TTC27: variants seen among roughly 807,000 people sequenced by gnomAD.
TTC27 encodes the protein tetratricopeptide repeat protein 27.
In TTC27, 79 loss-of-function variants were observed where a neutral mutation model predicts 115.9. The observed-to-expected ratio is 0.68, with a 90% CI of 0.57 to 0.82. The LOEUF (loss-of-function observed/expected upper bound fraction) is 0.82, where lower values mean the gene tolerates loss of function less well. TTC27 is among the 40% of genes least tolerant of loss of function. The pLI, the probability that TTC27 is intolerant of heterozygous loss-of-function variation, is 0.00. For synonymous variants in TTC27, 401 were observed against 356.0 expected (o/e 1.13, Z -1.42); for missense variants, 1,054 against 993.1 (o/e 1.06, Z -0.82).
At position 32,752,563 on chromosome 2, in the gene TTC27, G is replaced by C. The variant is rs541487766; in HGVS notation, c.1453-5729G>C. On this transcript the variant is annotated intron_variant, in intron 12 of 19. Transcript: ENST00000317907. The stretch of plus-strand genomic sequence containing the variant: ...TAAATTATGATCCTTTTTCTCTCTG[G>C]TCTAGCATGGTTAGAATCTCTTTTA... 3.7e-4 allele frequency among the ~76,000 whole-genome samples: 56 copies of C among 152,176 alleles called. No homozygotes were observed. The East Asian group carries it at 6.8e-3, about 18-fold the overall frequency.
chr2:32,820,681 A>G (rs1010979296), intron 19 of TTC27, 135 bp from the exon 20 acceptor site: 2 of 787,094 alleles, frequency 2.5e-6, no homozygotes, highest in Non-Finnish European at 3.4e-6. Flanking sequence ...GTGAACAGAA[A>G]AAAATGCTAC....
At chr2:32,648,206 CA>C (rs1172036376) in intron 4 of TTC27, among the ~76,000 whole-genome samples, 1 of 152,008 alleles carries the variant, frequency 6.6e-6, no homozygotes, top group Non-Finnish European at 1.5e-5. Flanking sequence ...TGGCTCACTG[CA>C]ACCTCCGCCT....
At chr2:32,798,101 T>A (rs542536636) in intron 16 of TTC27, among the ~76,000 whole-genome samples, 3 of 81,700 alleles carry the variant, frequency 3.7e-5, no homozygotes, top group African/African-American at 1.5e-4. Context: ...AGAAAAAAAA[T>A]TAAAAAAAAA....
chr2:32,647,130 A>G (rs754568345), intron 4 of TTC27, among the ~76,000 whole-genome samples: 8 of 152,080 alleles, frequency 5.3e-5, no homozygotes, highest in Non-Finnish European at 1.0e-4. Context: ...CAATTTTTGT[A>G]GAAATGGGGT....
chr2:32,810,936 A>G (rs1671295666), intron 16 of TTC27, 88 bp from the exon 17 acceptor site: 1 of 1,414,616 alleles, frequency 7.1e-7, no homozygotes, highest in East Asian at 2.3e-5. Flanking sequence ...TTTCATTGTC[A>G]TTGTCTTTGA....
At chr2:32,807,883 T>TGG (rs1200155914) in intron 16 of TTC27, among the ~76,000 whole-genome samples, 1 of 150,978 alleles carries the variant, frequency 6.6e-6, no homozygotes, top group Non-Finnish European at 1.5e-5. Context: ...CTTACCTTTC[T>TGG]GGCCACTCCT....
intron 10 of TTC27, among the ~76,000 whole-genome samples, chr2:32,730,621 AT>A (rs10712292): frequency 0.46 from 63,606 of 137,488 alleles, 14,271 homozygotes; most frequent in Non-Finnish European, 0.5. Flanking sequence ...AGACTTTCTT[AT>A]TTTTTTTTTT....
chr2:32,654,538 A>G lies in TTC27; in HGVS notation c.640+4305A>G, dbSNP rs1194652092. 2.0e-5 allele frequency among the ~76,000 whole-genome samples: 3 copies of G among 152,086 alleles called. No homozygotes were observed. In the East Asian group the frequency reaches 5.8e-4, roughly 29 times the overall value. On this transcript the variant is annotated intron_variant, in intron 5 of 19. Transcript: ENST00000317907. ...ACAGGGTATAGCATTTCATGTTGTTATTATTTTTTTGAGGCAGGGTCTTGC... is the reference window on the plus strand; with the variant it reads ...ACAGGGTATAGCATTTCATGTTGTTGTTATTTTTTTGAGGCAGGGTCTTGC...
intron 10 of TTC27, among the ~76,000 whole-genome samples, chr2:32,708,304 G>GTTTTGTTTTTTTTTTTTTTTTTTTTTT (rs1667450449): frequency 1.6e-5 from 1 of 61,348 alleles, no homozygotes; most frequent in Non-Finnish European, 3.1e-5. Flanking sequence ...TCTCTACCTT[G>GTTTTGTTTTTTTTTTTTTTTTTTTTTT]TTTTTTTTTT....
rs551014646 is a variant in TTC27, at chr2:32,665,013, T to A, written c.805+546T>A. Among the ~76,000 whole-genome samples, 414 of 151,766 alleles carry A rather than the reference T, an allele frequency of 2.7e-3. 3 individuals are homozygous for A. The highest frequency in any genetic ancestry group is 9.5e-3 in the African/African-American group (391 of 41,312). On this transcript the variant is annotated intron_variant, in intron 6 of 19. Transcript: ENST00000317907. ...ACGCCTGGCTAATTTTTTTTATTTT[T>A]TTTTTGTATTTTTAGTAGGGATGTG...
In TTC27 at chr2:32,643,809, C is replaced by T. The variant is rs140218420; in HGVS notation, c.537+3399C>T. On this transcript the variant is annotated intron_variant, in intron 4 of 19. Coordinates refer to ENST00000317907, the MANE Select transcript of TTC27 (RefSeq NM_017735.5). ...CAGCACTTTGGGAGGCCAAGGCTGG[C>T]GGATCACCTGAGGTCAGGAGTTCGA... Among the ~76,000 whole-genome samples, 1,457 of 151,812 alleles carry T rather than the reference C, an allele frequency of 9.6e-3. 12 individuals are homozygous for T. Among genetic ancestry groups the T allele is most frequent in the Middle Eastern group, 0.027 (8 of 294 alleles).
At chr2:32,736,522 G>T (rs764681359) in intron 11 of TTC27, among the ~76,000 whole-genome samples, 172 bp from the exon 12 acceptor site, 3 of 152,116 alleles carry the variant, frequency 2.0e-5, no homozygotes, top group Non-Finnish European at 4.4e-5. Context: ...GTTTTCTAAA[G>T]TAAAGGTATG....
chr2:32,678,562 G>A (rs998250959), intron 8 of TTC27, among the ~76,000 whole-genome samples: 3 of 152,008 alleles, frequency 2.0e-5, no homozygotes, highest in Admixed American at 6.5e-5. Flanking sequence ...CGAGTAGCTG[G>A]GACTACAGGT....
At chr2:32,726,462 T>C (rs36059067) in intron 10 of TTC27, among the ~76,000 whole-genome samples, 4 of 152,196 alleles carry the variant, frequency 2.6e-5, no homozygotes, top group Non-Finnish European at 5.9e-5. Context: ...GCCTCTAGTC[T>C]CTGTGCTAAA....
intron 8 of TTC27, among the ~76,000 whole-genome samples, chr2:32,675,651 G>T (rs546577956): frequency 8.8e-4 from 134 of 152,194 alleles, no homozygotes; most frequent in Admixed American, 1.1e-3. Flanking sequence ...TTACTGTGGG[G>T]TTTTTAAATA....
chr2:32,706,169 G>GC, intron 10 of TTC27, among the ~76,000 whole-genome samples: 1 of 129,330 alleles, frequency 7.7e-6, no homozygotes, highest in East Asian at 2.3e-4. Flanking sequence ...TGCAACCTCT[G>GC]CTCCCTGGGT....
intron 9 of TTC27, among the ~76,000 whole-genome samples, chr2:32,690,433 A>T (rs1432531471): frequency 6.6e-6 from 1 of 152,222 alleles, no homozygotes. Flanking sequence ...AACTGTACTT[A>T]GCAATACTAG....
intron 2 of TTC27, among the ~76,000 whole-genome samples, chr2:32,633,516 C>T (rs909475934): frequency 6.6e-6 from 1 of 151,952 alleles, no homozygotes; most frequent in Non-Finnish European, 1.5e-5. Context: ...GGGCTGCAAG[C>T]AATCCTCATG....
chr2:32,636,133 A>G (rs1664414837), intron 3 of TTC27, among the ~76,000 whole-genome samples: 1 of 152,230 alleles, frequency 6.6e-6, no homozygotes, highest in South Asian at 2.1e-4. Context: ...CCTATAGTAT[A>G]GATTAGAAAT....
Sources: allele counts gnomAD v4.1 joint callset (sites outside exome capture counted in the v4.1 genomes callset), GRCh38; gene constraint gnomAD v4.1.1; transcripts MANE v1.5; gene names NCBI Gene and HGNC (gene_info 2026-07-23, HGNC 2026-07-21).